The following PHC3 variants were observed in gnomAD, a reference collection of about 807,000 sequenced individuals.
PHC3 encodes the protein polyhomeotic homolog 3.
In PHC3, 13 loss-of-function variants were observed where a neutral mutation model predicts 107.4. The observed-to-expected ratio is 0.12, with a 90% confidence interval of 0.08 to 0.19. The LOEUF (loss-of-function observed/expected upper bound fraction) is 0.19. PHC3 is among the 10% of genes least tolerant of loss of function. The pLI, the probability that PHC3 is intolerant of heterozygous loss-of-function variation, is 1.00. For missense variants in PHC3, 992 were observed against 1,210.9 expected, an observed-to-expected ratio of 0.82 and a Z score of 2.68; for synonymous variants, 456 against 427.4, an observed-to-expected ratio of 1.07 and a Z score of -0.83.
At position 170,097,127 on chromosome 3, in the gene PHC3, T is replaced by C; in HGVS notation, c.*103A>G. On this transcript the variant is annotated 3_prime_UTR_variant, in exon 15 of 15. Transcript: ENST00000495893. This position sits in a 1 kb window ranked among gnomAD's most constrained non-coding sequence, Gnocchi z 4.1. The stretch of plus-strand genomic sequence containing the variant: ...GTGGAGATCCCAATGTGCTTGGCTA[T>C]CCACCACAATAAGTGTCATATTCTA... 8.9e-7 allele frequency: 1 copy of C among 1,123,014 alleles called. No homozygotes were observed. Among genetic ancestry groups the C allele is most frequent in the South Asian group, 2.5e-5 (1 of 40,624 alleles). The allele number at this position is 1,123,014 out of a possible 1,614,324, so 69.6% of individuals were successfully genotyped here. A position where few individuals can be genotyped will look rare whatever the true frequency, so the allele number is the denominator to read the frequency against.
intron 2 of PHC3, among the ~76,000 whole-genome samples, chr3:170,172,974 C>G (rs887206344): frequency 2.0e-5 from 3 of 152,072 alleles, no homozygotes; most frequent in Non-Finnish European, 4.4e-5. Context: ...GGGCGGATCA[C>G]AAGGTCAGGA....
At chr3:170,098,467 T>C (rs926513912) in intron 14 of PHC3, among the ~76,000 whole-genome samples, 7 of 152,190 alleles carry the variant, frequency 4.6e-5, no homozygotes, top group Non-Finnish European at 1.0e-4. Context: ...TTTTGCTAGT[T>C]CAATTATCCT....
Position 170,097,099 on chromosome 3 carries a change from G to C in PHC3, c.*131C>G. The C allele has an allele frequency of 1.4e-6, 1 of 692,540 alleles. No individual in the cohort carries two copies. The highest frequency in any genetic ancestry group is 4.1e-5 in the South Asian group (1 of 24,480). 42.9% of individuals were successfully genotyped at this position (692,540 alleles called of 1,614,324 possible). A position where few individuals can be genotyped will look rare whatever the true frequency, so the allele number is the denominator to read the frequency against. ...ACCTGTAGAAGAAATGTCAGTATTT[G>C]ATGTGGAGATCCCAATGTGCTTGGC... On this transcript the variant is annotated 3_prime_UTR_variant, in exon 15 of 15. Transcript: ENST00000495893. This position sits in a 1 kb window ranked among gnomAD's most constrained non-coding sequence, Gnocchi z 4.1.
chr3:170,178,699 A>G, intron 2 of PHC3, 74 bp downstream of exon 2: 1 of 1,466,116 alleles, frequency 6.8e-7, no homozygotes, highest in Non-Finnish European at 9.5e-7. Context: ...ATGAAACAAT[A>G]CATAAATCCA....
intron 7 of PHC3, among the ~76,000 whole-genome samples, chr3:170,132,527 T>C (rs2108487838): frequency 6.6e-6 from 1 of 152,286 alleles, no homozygotes; most frequent in Non-Finnish European, 1.5e-5. Context: ...TGACATGACA[T>C]GGTTTGTGCC....
rs750218946 is a variant in PHC3, at chr3:170,102,668, G to T, written c.2644C>A (p.His882Asn). The change falls in exon 14 of 15, where the codon CAT becomes AAT. Residue 882 changes from histidine to asparagine, a missense_variant. Coordinates refer to ENST00000495893, the MANE Select transcript of PHC3 (RefSeq NM_024947.4). ...ATAGCAGATGGCACAGAATCTTCAT[G>T]AGAAGCCAAGTCTTCTTCTGCAGAT... ...YPSAEEDLASHEDSVPSAMTT... is the reference protein window; with the variant it reads ...YPSAEEDLASNEDSVPSAMTT... The T allele has an allele frequency of 1.2e-6, 2 of 1,613,826 alleles. No individual in the cohort carries two copies. The highest frequency in any genetic ancestry group is 2.7e-5 in the African/African-American group (2 of 74,926).
At chr3:170,172,493 A>G (rs1425886028) in intron 3 of PHC3, 64 bp downstream of exon 3, 1 of 1,533,398 alleles carries the variant, frequency 6.5e-7, no homozygotes, top group East Asian at 2.3e-5. Flanking sequence ...CAATCTATTT[A>G]TTTTCAGTAA....
chr3:170,141,613 T>G (rs1023908376), intron 6 of PHC3, among the ~76,000 whole-genome samples: 3 of 152,126 alleles, frequency 2.0e-5, no homozygotes, highest in African/African-American at 7.2e-5. Flanking sequence ...ATTCTTTTTT[T>G]GTTTTGTTTT....
intron 4 of PHC3, among the ~76,000 whole-genome samples, chr3:170,152,872 A>T (rs1726244197): frequency 6.6e-6 from 1 of 151,228 alleles, no homozygotes; most frequent in Non-Finnish European, 1.5e-5. Context: ...ATGTTGCCCA[A>T]GCTTGCCTCA....
In PHC3 at chr3:170,096,125, T is replaced by C. The variant is rs1714611806; in HGVS notation, c.*1105A>G. On this transcript the variant is annotated 3_prime_UTR_variant, in exon 15 of 15. Transcript: ENST00000495893. The stretch of plus-strand genomic sequence containing the variant: ...AGGTATGAAAGATAATCAGAATGAA[T>C]TAGTACTTTCTGAGAGTTAAATTAT... 1 of 152,170 alleles carries C rather than the reference T, an allele frequency of 6.6e-6. No individual in the cohort carries two copies. The highest frequency in any genetic ancestry group is 1.5e-5 in the Non-Finnish European group (1 of 68,032). The allele number at this position is 152,170 out of a possible 1,614,324, so 9.4% of individuals were successfully genotyped here. A position where few individuals can be genotyped will look rare whatever the true frequency, so the allele number is the denominator to read the frequency against.
chr3:170,097,522 T>C lies in PHC3; in HGVS notation c.2834-138A>G. 1.3e-6 allele frequency: 1 copy of C among 793,618 alleles called. No individual in the cohort carries two copies. The highest frequency in any genetic ancestry group is 1.8e-6 in the Non-Finnish European group (1 of 543,494). 49.2% of individuals were successfully genotyped at this position (793,618 alleles called of 1,614,324 possible). ...AGAAACAAATGAAATTTATTTATGG[T>C]AGTCTTGAGTTCACTCTTGAAGAAT... On this transcript the variant is annotated intron_variant, in intron 14 of 14. Coordinates refer to ENST00000495893, the MANE Select transcript of PHC3 (RefSeq NM_024947.4). This position sits in a 1 kb window ranked among gnomAD's most constrained non-coding sequence, Gnocchi z 4.1.
chr3:170,131,080 A>G (rs1722186329), intron 7 of PHC3, among the ~76,000 whole-genome samples: 1 of 152,024 alleles, frequency 6.6e-6, no homozygotes, highest in Non-Finnish European at 1.5e-5. Context: ...CTTTAAAGAA[A>G]TTAACATCTG....
chr3:170,141,395 G>A (rs1380331086), intron 6 of PHC3, among the ~76,000 whole-genome samples: 1 of 152,040 alleles, frequency 6.6e-6, no homozygotes, highest in Admixed American at 6.6e-5. Context: ...GATCACAGAG[G>A]CTCATAATTA....
intron 2 of PHC3, among the ~76,000 whole-genome samples, chr3:170,177,456 G>A (rs1007711227): frequency 6.6e-6 from 1 of 151,900 alleles, no homozygotes; most frequent in African/African-American, 2.4e-5. Context: ...AACCTCTGCC[G>A]CCAGGGTTCA....
intron 6 of PHC3, among the ~76,000 whole-genome samples, chr3:170,144,791 A>C (rs1724685240): frequency 6.6e-6 from 1 of 152,130 alleles, no homozygotes; most frequent in South Asian, 2.1e-4. Flanking sequence ...CTGCAGCCTC[A>C]ATCTCCCAGG....
At chr3:170,139,267 C>T (rs1006587675) in intron 6 of PHC3, among the ~76,000 whole-genome samples, 75 of 152,278 alleles carry the variant, frequency 4.9e-4, no homozygotes, top group African/African-American at 1.6e-3. Context: ...TATTACATGG[C>T]TAATTTTTTG....
intron 9 of PHC3, among the ~76,000 whole-genome samples, chr3:170,118,080 T>G (rs548858064): frequency 1.4e-4 from 22 of 152,356 alleles, no homozygotes; most frequent in Non-Finnish European, 1.5e-4. Flanking sequence ...ACAAATAATT[T>G]ATACTAAAAT....
chr3:170,128,788 C>T lies in PHC3; in HGVS notation c.1684G>A (p.Ala562Thr), dbSNP rs1721768464. 2.5e-6 allele frequency: 4 copies of T among 1,613,980 alleles called. No individual in the cohort carries two copies. The highest frequency in any genetic ancestry group is 3.4e-6 in the Non-Finnish European group (4 of 1,179,878). The change falls in exon 8 of 15, where the codon GCT (alanine) becomes ACT (threonine). Residue 562 changes from alanine (A) to threonine (T), a missense_variant. Transcript: ENST00000495893. ...GGCAACTGGACCAAAGCTTCTGCAGCTGGAAGTTCCTCTTCTGACACCAAA... is the reference window on the plus strand; with the variant it reads ...GGCAACTGGACCAAAGCTTCTGCAGTTGGAAGTTCCTCTTCTGACACCAAA... ...NALVSEEELPAAEALVQLPFQ... is the reference protein window; with the variant it reads ...NALVSEEELPTAEALVQLPFQ...
intron 4 of PHC3, chr3:170,150,800 G>C (rs1286145979): frequency 2.9e-6 from 1 of 345,248 alleles, no homozygotes; most frequent in Non-Finnish European, 5.6e-6. Flanking sequence ...GTAACTGGTT[G>C]TATCTATAAA....
Sources: allele counts gnomAD v4.1 joint callset (sites outside exome capture counted in the v4.1 genomes callset), GRCh38; gene constraint gnomAD v4.1.1; non-coding constraint Gnocchi (gnomAD v3.1); transcripts MANE v1.5; gene names NCBI Gene and HGNC (gene_info 2026-07-23, HGNC 2026-07-21).